The following AGAP1 variants were observed in gnomAD, a reference collection of about 807,000 sequenced individuals.
AGAP1 encodes ArfGAP with GTPase domain, ankyrin repeat and PH domain 1, also known as arf-GAP with GTPase, ANK repeat and PH domain-containing protein 1.
In AGAP1, 29 loss-of-function variants were observed where a neutral mutation model predicts 105.3. That is an observed-to-expected ratio of 0.28 (90% confidence interval 0.21 to 0.38). The LOEUF (loss-of-function observed/expected upper bound fraction) is 0.38. Ranked by LOEUF, AGAP1 falls within the 10% of genes least tolerant of loss-of-function variation. AGAP1 has a pLI of 1.00. For synonymous variants in AGAP1, 509 were observed against 485.9 expected (o/e 1.05, Z -0.63); for missense variants, 998 against 1,165.1 (o/e 0.86, Z 2.09).
chr2:235,673,494 G>GT (rs1266698801), intron 1 of AGAP1, among the ~76,000 whole-genome samples: 5 of 152,188 alleles, frequency 3.3e-5, no homozygotes, highest in Non-Finnish European at 7.3e-5. Flanking sequence ...GAGATCGGGT[G>GT]GCGCCCTTTA....
At chr2:235,657,285 T>A (rs1053301991) in intron 1 of AGAP1, among the ~76,000 whole-genome samples, 1 of 152,236 alleles carries the variant, frequency 6.6e-6, no homozygotes. Context: ...TGTCGCTATT[T>A]GAGTTTTTAC....
In AGAP1 at chr2:235,714,736, T is replaced by G. The variant is rs868222526; in HGVS notation, c.223-2821T>G. Reference sequence around the variant, plus strand: ...GGTGGCCTGTAAATCACTGAGAACCTTTTTTCCACACTGTCATGCCAAATT... The same window carrying G: ...GGTGGCCTGTAAATCACTGAGAACCGTTTTTCCACACTGTCATGCCAAATT... On this transcript the variant is annotated intron_variant, in intron 2 of 17. Transcript: ENST00000304032. The surrounding 1 kb of genome is among the most constrained non-coding windows in gnomAD (Gnocchi z 4.1). Among the ~76,000 whole-genome samples, 1 of 152,238 alleles carries G rather than the reference T, an allele frequency of 6.6e-6. No individual in the cohort carries two copies. Among genetic ancestry groups the G allele is most frequent in the Admixed American group, 6.5e-5 (1 of 15,296 alleles).
chr2:235,511,998 G>A (rs1341182090), intron 1 of AGAP1, among the ~76,000 whole-genome samples: 2 of 70,656 alleles, frequency 2.8e-5, no homozygotes, highest in Non-Finnish European at 4.9e-5. Context: ...GTGTGTGAAT[G>A]CGTGTGTGAC....
chr2:235,804,625 C>T (rs1269568935), intron 8 of AGAP1, among the ~76,000 whole-genome samples: 1 of 152,202 alleles, frequency 6.6e-6, no homozygotes, highest in African/African-American at 2.4e-5. Context: ...TGGGAGTGTC[C>T]TCCATGGCTT....
At position 235,865,427 on chromosome 2, in the gene AGAP1, C is replaced by T. The variant is rs58420836; in HGVS notation, c.1051-17918C>T. ...TGGCGCCGACCCCGCCGTGCGCAAT[C>T]GGGGCTTTATACGATTGCTGGAGAT... On this transcript the variant is annotated intron_variant, in intron 9 of 17. Transcript: ENST00000304032. This position sits in a 1 kb window ranked among gnomAD's most constrained non-coding sequence, Gnocchi z 6.2. Among the ~76,000 whole-genome samples the T allele has an allele frequency of 4.8e-3, 727 of 152,332 alleles. 4 individuals are homozygous for T. Among genetic ancestry groups the T allele is most frequent in the African/African-American group, 0.017 (695 of 41,576 alleles).
At position 235,689,638 on chromosome 2, in the gene AGAP1, G is replaced by A. The variant is rs1198281133; in HGVS notation, c.164-19541G>A. Among the ~76,000 whole-genome samples the A allele has an allele frequency of 6.6e-6, 1 of 152,186 alleles. No homozygotes were observed. Among genetic ancestry groups the A allele is most frequent in the East Asian group, 1.9e-4 (1 of 5,200 alleles). ...ACACCAAATTGGCAGGTCACCATAG[G>A]GACCTCCCCTAACCTCAAATCTGTG... On this transcript the variant is annotated intron_variant, in intron 1 of 17. Transcript: ENST00000304032. The surrounding 1 kb of genome is among the most constrained non-coding windows in gnomAD (Gnocchi z 4.2).
chr2:235,602,712 T>C (rs1270589879), intron 1 of AGAP1, among the ~76,000 whole-genome samples: 1 of 55,560 alleles, frequency 1.8e-5, no homozygotes, highest in Non-Finnish European at 3.2e-5. Flanking sequence ...TTTCTTTTTC[T>C]TTTTTTTGAG....
At chr2:236,015,195 G>A (rs1227354429) in intron 13 of AGAP1, among the ~76,000 whole-genome samples, 1 of 152,232 alleles carries the variant, frequency 6.6e-6, no homozygotes, top group East Asian at 1.9e-4. Flanking sequence ...TGGGCACTCA[G>A]TGTAATATTT....
At chr2:235,913,275 A>C (rs1023324524) in intron 11 of AGAP1, among the ~76,000 whole-genome samples, 3 of 152,064 alleles carry the variant, frequency 2.0e-5, no homozygotes, top group Non-Finnish European at 4.4e-5. Context: ...TATGTGTGTG[A>C]ATATATGTAT....
intron 16 of AGAP1, among the ~76,000 whole-genome samples, chr2:236,054,401 G>A (rs1356868227): frequency 6.9e-6 from 1 of 145,752 alleles, no homozygotes; most frequent in African/African-American, 2.6e-5. Context: ...TTTTTCAACA[G>A]TTCTTGGCCT....
At chr2:235,668,087 T>C (rs1233353276) in intron 1 of AGAP1, among the ~76,000 whole-genome samples, 1 of 151,932 alleles carries the variant, frequency 6.6e-6, no homozygotes, top group African/African-American at 2.4e-5. Flanking sequence ...CCCTTAGAGT[T>C]TGAGTAGCAG....
chr2:235,930,060 T>C lies in AGAP1; in HGVS notation c.1325-705T>C, dbSNP rs2052648096. Among the ~76,000 whole-genome samples the C allele has an allele frequency of 6.6e-6, 1 of 152,180 alleles. No homozygotes were observed. Among genetic ancestry groups the C allele is most frequent in the Non-Finnish European group, 1.5e-5 (1 of 68,030 alleles). On this transcript the variant is annotated intron_variant, in intron 11 of 17. Transcript: ENST00000304032. This position sits in a 1 kb window ranked among gnomAD's most constrained non-coding sequence, Gnocchi z 7.9. ...AAAGGCACTTAATTATGTTTTTGAG[T>C]CTAAAATTGGTATGACCAGATAATA...
At chr2:235,628,968 C>T (rs942394454) in intron 1 of AGAP1, among the ~76,000 whole-genome samples, 4 of 152,116 alleles carry the variant, frequency 2.6e-5, no homozygotes, top group Non-Finnish European at 5.9e-5. Flanking sequence ...CCTGCCACCA[C>T]ATCCGGCTAA....
In AGAP1 at chr2:235,752,222, G is replaced by C. The variant is rs765636971; in HGVS notation, c.673+1734G>C. Among the ~76,000 whole-genome samples, 5 of 152,178 alleles carry C rather than the reference G, an allele frequency of 3.3e-5. No homozygotes were observed. The highest frequency in any genetic ancestry group is 5.9e-5 in the Non-Finnish European group (4 of 68,038). ...GAGACAGAGTCTAGCTCTTTGCCCA[G>C]GCTGGAGTGCAATGGCGTGATGGCA... On this transcript the variant is annotated intron_variant, in intron 6 of 17. Transcript: ENST00000304032. This position sits in a 1 kb window ranked among gnomAD's most constrained non-coding sequence, Gnocchi z 4.3.
At chr2:235,871,703 C>T (rs567274082) in intron 9 of AGAP1, among the ~76,000 whole-genome samples, 1 of 152,360 alleles carries the variant, frequency 6.6e-6, no homozygotes, top group Admixed American at 6.5e-5. Context: ...TTGACTGTTT[C>T]TTATAACACT....
rs368329375 is a variant in AGAP1 at position 235,970,441 on chromosome 2, T to C, written c.1645+1818T>C. Reference sequence around the variant, plus strand: ...AGCACGTGCAGCCACCCCTCCCTGATTGGGAAGAAGGTTAGCCTCCCCCAG... The same window carrying C: ...AGCACGTGCAGCCACCCCTCCCTGACTGGGAAGAAGGTTAGCCTCCCCCAG... On this transcript the variant is annotated intron_variant, in intron 13 of 17. Transcript: ENST00000304032. This position sits in a 1 kb window ranked among gnomAD's most constrained non-coding sequence, Gnocchi z 5.4. Among the ~76,000 whole-genome samples, 6 of 152,152 alleles carry C rather than the reference T, an allele frequency of 3.9e-5. 1 individual carries two copies. The highest frequency in any genetic ancestry group is 9.6e-5 in the African/African-American group (4 of 41,548).
chr2:235,506,039 G>A (rs578257561), intron 1 of AGAP1, among the ~76,000 whole-genome samples: 1 of 148,928 alleles, frequency 6.7e-6, no homozygotes, highest in African/African-American at 2.5e-5. Flanking sequence ...CAAGTGATTC[G>A]CCTGCCTCAG....
intron 13 of AGAP1, among the ~76,000 whole-genome samples, chr2:236,028,456 CTACTT>C (rs1453451444): frequency 1.3e-5 from 2 of 152,196 alleles, no homozygotes; most frequent in African/African-American, 4.8e-5. Context: ...CTTTGTATCT[CTACTT>C]TGCTACCTCA....
At chr2:235,774,862 A>G (rs1052332608) in intron 6 of AGAP1, among the ~76,000 whole-genome samples, 2 of 152,164 alleles carry the variant, frequency 1.3e-5, no homozygotes, top group Non-Finnish European at 2.9e-5. Context: ...TGGCGCCTGC[A>G]TTCACTCGCC....
Sources: allele counts gnomAD v4.1 joint callset (sites outside exome capture counted in the v4.1 genomes callset), GRCh38; gene constraint gnomAD v4.1.1; non-coding constraint Gnocchi (gnomAD v3.1); transcripts MANE v1.5; gene names NCBI Gene and HGNC (gene_info 2026-07-23, HGNC 2026-07-21).